Variants in SMC3 observed in about 807,000 individuals in gnomAD.
SMC3 encodes structural maintenance of chromosomes 3.
SMC3 carries 20 observed loss-of-function variants against 171.8 expected under a neutral mutation model. The ratio of observed to expected loss-of-function variants is 0.12; its 90% CI spans 0.08 to 0.17. The LOEUF (loss-of-function observed/expected upper bound fraction) is 0.17, where lower values mean the gene tolerates loss of function less well. SMC3 is among the 10% of genes least tolerant of loss of function. SMC3 has a pLI of 1.00. For synonymous variants in SMC3, 464 were observed against 451.1 expected (o/e 1.03, Z -0.36); for missense variants, 543 against 1,420.4 (o/e 0.38, Z 9.93).
chr10:110,598,716 C>T (rs1432776175), intron 20 of SMC3, among the ~76,000 whole-genome samples: 6 of 152,052 alleles, frequency 3.9e-5, no homozygotes, highest in African/African-American at 1.4e-4. Flanking sequence ...TAGACCCATA[C>T]TTTTGGATAT....
chr10:110,583,283 A>G, intron 10 of SMC3, 101 bp from the exon 11 acceptor site: 2 of 931,952 alleles, frequency 2.1e-6, no homozygotes, highest in Non-Finnish European at 3.4e-6. Context: ...TATTGAAAGG[A>G]CAGAGTATTA....
At chr10:110,590,064 C>G in intron 15 of SMC3, 73 bp downstream of exon 15, 2 of 1,338,298 alleles carry the variant, frequency 1.5e-6, no homozygotes, top group Non-Finnish European at 2.1e-6. Flanking sequence ...AATTTTTTAC[C>G]TTTCAAGGTG....
intron 7 of SMC3, among the ~76,000 whole-genome samples, chr10:110,579,448 G>A (rs980499586): frequency 2.0e-5 from 3 of 152,100 alleles, no homozygotes; most frequent in Non-Finnish European, 4.4e-5. Context: ...TCTGAGATCC[G>A]TCTGCTGTCA....
intron 28 of SMC3, among the ~76,000 whole-genome samples, chr10:110,603,922 C>T (rs1168895672): frequency 6.6e-6 from 1 of 151,756 alleles, no homozygotes; most frequent in Non-Finnish European, 1.5e-5. Flanking sequence ...GGTGAAACCC[C>T]CGTCTCTACT....
chr10:110,601,140 T>G lies in SMC3; in HGVS notation c.2644+10T>G. 1 of 1,599,544 alleles carries G rather than the reference T, an allele frequency of 6.3e-7. No individual in the cohort carries two copies. Among genetic ancestry groups the G allele is most frequent in the Non-Finnish European group, 8.6e-7 (1 of 1,166,908 alleles). ...ATGGCACGATCAGAAGGTGAATTTT[T>G]ATGTAGTAAAATTTTGTTTATATGC... On this transcript the variant is annotated intron_variant, in intron 23 of 28. Coordinates refer to ENST00000361804, the MANE Select transcript of SMC3 (RefSeq NM_005445.4).
intron 13 of SMC3, among the ~76,000 whole-genome samples, chr10:110,585,640 A>G (rs1189789638): frequency 6.6e-6 from 1 of 151,116 alleles, no homozygotes; most frequent in African/African-American, 2.4e-5. Context: ...ATCTTATGTT[A>G]CATTTAGTTG....
At chr10:110,575,165 T>G (rs891522306) in intron 3 of SMC3, among the ~76,000 whole-genome samples, 171 bp from the exon 4 acceptor site, 5 of 152,222 alleles carry the variant, frequency 3.3e-5, no homozygotes, top group Admixed American at 2.6e-4. Flanking sequence ...CCTACCTGAT[T>G]AGTCTGATGT....
At chr10:110,570,199 C>T (rs539164335) in intron 2 of SMC3, among the ~76,000 whole-genome samples, 2 of 152,258 alleles carry the variant, frequency 1.3e-5, no homozygotes, top group South Asian at 4.1e-4. Context: ...AATCATCTTC[C>T]AGGGGTCCCC....
At position 110,598,226 on chromosome 10, in the gene SMC3, T is replaced by C; in HGVS notation, c.2204T>C (p.Ile735Thr). The C allele has an allele frequency of 6.2e-7, 1 of 1,614,020 alleles. No individual in the cohort carries two copies. Among genetic ancestry groups the C allele is most frequent in the Non-Finnish European group, 8.5e-7 (1 of 1,179,942 alleles). ...AAATTTAAAGCATCTAGAGATAGCA[T>C]ATTATCAGAAATGAAGATGCTAAAA... is the stretch of plus-strand genomic sequence containing the variant. ...QRKFKASRDS[I>T]LSEMKMLKEK... The change falls in exon 20 of 29, where the codon ATA becomes ACA. Residue 735 changes from isoleucine (I) to threonine (T), a missense_variant. By Grantham distance (89) the Ile-to-Thr change is moderately conservative (BLOSUM62 -1). Coordinates refer to ENST00000361804, the MANE Select transcript of SMC3 (RefSeq NM_005445.4).
chr10:110,585,225 C>A lies in SMC3; in HGVS notation c.1305+829C>A, dbSNP rs948991309. Among the ~76,000 whole-genome samples the A allele has an allele frequency of 2.0e-5, 3 of 151,996 alleles. No homozygotes were observed. The East Asian group carries it at 5.8e-4, about 29-fold the overall frequency. The stretch of plus-strand genomic sequence containing the variant: ...AAACTCCCAACCTCAGGTGATCTGC[C>A]TGCCTCAGCCTCCCAAAGTGCTGGG... On this transcript the variant is annotated intron_variant, in intron 13 of 28. Transcript: ENST00000361804.
chr10:110,577,391 T>C lies in SMC3; in HGVS notation c.199-30T>C. 3.9e-6 allele frequency: 6 copies of C among 1,529,478 alleles called. 1 individual carries two copies. The highest frequency in any genetic ancestry group is 1.7e-4 in the Middle Eastern group (1 of 5,890). 94.7% of individuals were successfully genotyped at this position (1,529,478 alleles called of 1,614,324 possible). A position where few individuals can be genotyped will look rare whatever the true frequency, so the allele number is the denominator to read the frequency against. On this transcript the variant is annotated intron_variant, in intron 4 of 28. Coordinates refer to ENST00000361804, the MANE Select transcript of SMC3 (RefSeq NM_005445.4). ...AAAGGATATGAATATACAACTTAAATGGCAAATTTCTCACTTCTTTCATTT... is the reference window on the plus strand; with the variant it reads ...AAAGGATATGAATATACAACTTAAACGGCAAATTTCTCACTTCTTTCATTT...
At chr10:110,597,300 C>T (rs943369002) in intron 19 of SMC3, among the ~76,000 whole-genome samples, 8 of 151,742 alleles carry the variant, frequency 5.3e-5, no homozygotes, top group African/African-American at 1.9e-4. Context: ...AATGGTGCTG[C>T]ATGAGGAGTG....
At chr10:110,598,012 A>C in intron 19 of SMC3, 127 bp from the exon 20 acceptor site, 1 of 842,290 alleles carries the variant, frequency 1.2e-6, no homozygotes, top group Middle Eastern at 3.4e-4. Context: ...TTGGTCCATA[A>C]ATTTGAGGAC....
At chr10:110,601,380 G>C (rs1861384867) in intron 23 of SMC3, among the ~76,000 whole-genome samples, 1 of 152,136 alleles carries the variant, frequency 6.6e-6, no homozygotes, top group Non-Finnish European at 1.5e-5. Context: ...CCTGACGAAA[G>C]TTTCTCATCA....
chr10:110,585,914 C>G lies in SMC3; in HGVS notation c.1305+1518C>G, dbSNP rs1187868487. Reference sequence around the variant, plus strand: ...CCGGGTTCAAGCAATTCTCCTGCGTCAGCCTCCCAAGTAGCTGGGACCACA... The same window carrying G: ...CCGGGTTCAAGCAATTCTCCTGCGTGAGCCTCCCAAGTAGCTGGGACCACA... On this transcript the variant is annotated intron_variant, in intron 13 of 28. Transcript: ENST00000361804. 2.0e-5 allele frequency among the ~76,000 whole-genome samples: 3 copies of G among 152,098 alleles called. No homozygotes were observed. The East Asian group carries it at 5.8e-4, about 29-fold the overall frequency.
chr10:110,582,061 A>G lies in SMC3; in HGVS notation c.686A>G (p.Asn229Ser), dbSNP rs1861038992. The change falls in exon 9 of 29, where the codon AAT (asparagine) becomes AGT (serine). Residue 229 changes from asparagine to serine, a missense_variant. Physicochemically the swap from Asn to Ser is conservative, Grantham distance 46. Transcript: ENST00000361804. ...MRRALEYTIY[N>S]QELNETRAKL... ...CGAGCCCTGGAATATACCATTTACA[A>G]TCAGGAACTTAACGAGACTCGTGCC... 3 of 1,613,800 alleles carry G rather than the reference A, an allele frequency of 1.9e-6. No homozygotes were observed. The highest frequency in any genetic ancestry group is 1.7e-6 in the Non-Finnish European group (2 of 1,179,866).
chr10:110,594,664 A>G (rs1564793618), intron 18 of SMC3, among the ~76,000 whole-genome samples: 3 of 149,806 alleles, frequency 2.0e-5, no homozygotes, highest in Non-Finnish European at 4.5e-5. Context: ...CCTGCCCTCA[A>G]TTTTTTTTTT....
intron 20 of SMC3, 71 bp from the exon 21 acceptor site, chr10:110,599,583 T>G (rs1319417566): frequency 2.2e-6 from 3 of 1,374,556 alleles, no homozygotes; most frequent in Non-Finnish European, 2.0e-6. Flanking sequence ...CAAATATAGA[T>G]TGTTTTAAAA....
chr10:110,591,260 C>A, intron 17 of SMC3, 128 bp downstream of exon 17: 2 of 951,358 alleles, frequency 2.1e-6, no homozygotes, highest in Non-Finnish European at 3.2e-6. Context: ...AAATATCTGT[C>A]TTCCCATGGA....
Sources: gnomAD v4.1 joint callset for allele counts (sites outside exome capture counted in the v4.1 genomes callset) on GRCh38, gnomAD v4.1.1 for gene constraint, MANE v1.5 for transcripts, NCBI Gene and HGNC (gene_info 2026-07-23, HGNC 2026-07-21) for gene names.